Variants in C16orf96 observed in about 807,000 individuals in gnomAD.
C16orf96 encodes the protein chromosome 16 open reading frame 96.
A neutral mutation model predicts 103.6 loss-of-function variants in C16orf96; 108 were observed. That is an observed-to-expected ratio of 1.04 (90% confidence interval 0.89 to 1.22). The LOEUF is 1.22. Ranked by LOEUF, C16orf96 falls within the 50% of genes most tolerant of loss-of-function variation. The pLI is 0.00. For missense variants in C16orf96, 1,586 were observed against 1,464.2 expected, an observed-to-expected ratio of 1.08 and a Z score of -1.36; for synonymous variants, 566 against 593.5, an observed-to-expected ratio of 0.95 and a Z score of 0.67.
intron 7 of C16orf96, among the ~76,000 whole-genome samples, chr16:4,585,578 AG>A (rs1896906438): frequency 6.6e-6 from 1 of 152,226 alleles, no homozygotes. Context: ...TTCAGAGCCC[AG>A]GCTTTGGAAC....
chr16:4,593,420 C>T lies in C16orf96; in HGVS notation c.2867+104C>T. On this transcript the variant is annotated intron_variant, in intron 12 of 15. Transcript: ENST00000444310. This position sits in a 1 kb window ranked among gnomAD's most constrained non-coding sequence, Gnocchi z 4.2. ...AGACACATCCTCCAGGCCCAGGGAC[C>T]TAAGATTGTCCTGGACATGGCCAGC... The T allele has an allele frequency of 1.1e-5, 13 of 1,146,940 alleles. No individual in the cohort carries two copies. The South Asian group carries it at 1.5e-4, about 13-fold the overall frequency. The allele number at this position is 1,146,940 out of a possible 1,614,324, so 71.0% of individuals were successfully genotyped here.
chr16:4,600,249 C>A lies in C16orf96; in HGVS notation c.3358C>A (p.Leu1120Ile). Residue 1120 changes from leucine (L) to isoleucine (I), a missense_variant, in exon 16 of 16, where the codon CTC (leucine) becomes ATC (isoleucine). Physicochemically the swap from Leu to Ile is conservative, Grantham distance 5. Transcript: ENST00000444310. The part of the protein sequence containing the change: ...DPQQAPGSTR[L>I]SRAPHIESRV... ...CCAGCAGGCCCCAGGGTCCACCAGG[C>A]TCTCAAGAGCTCCACACATTGAGTC... The A allele has an allele frequency of 6.4e-7, 1 of 1,551,506 alleles. No individual in the cohort carries two copies. Among genetic ancestry groups the A allele is most frequent in the South Asian group, 1.2e-5 (1 of 84,062 alleles).
intron 8 of C16orf96, among the ~76,000 whole-genome samples, chr16:4,587,539 AAAAAAAAAAGAAAGAAAG>A (rs1444398132): frequency 2.8e-4 from 43 of 151,120 alleles, no homozygotes; most frequent in Admixed American, 6.6e-4. Context: ...CAAAAAAAAA[AAAAAAAAAAGAAAGAAAG>A]AAAAAGAAAG....
At chr16:4,546,457 CTTTT>C in the C16orf96 span, among the ~76,000 whole-genome samples, 2 of 104,552 alleles carry the variant, frequency 1.9e-5, no homozygotes, top group Non-Finnish European at 3.7e-5. Flanking sequence ...CGCGCCCGGA[CTTTT>C]TTTTTTTTTT....
intron 1 of C16orf96, among the ~76,000 whole-genome samples, chr16:4,559,365 A>C (rs898638169): frequency 4.0e-5 from 6 of 151,846 alleles, no homozygotes; most frequent in African/African-American, 1.5e-4. Flanking sequence ...CAACATCATG[A>C]AAACCCGTCT....
upstream of C16orf96, among the ~76,000 whole-genome samples, chr16:4,553,661 GA>G (rs2059240678): frequency 6.6e-6 from 1 of 152,030 alleles, no homozygotes; most frequent in African/African-American, 2.4e-5. Context: ...ATTTTGTAGA[GA>G]TGGTGTCTTG....
At chr16:4,599,669 C>T (rs1005099652) in intron 15 of C16orf96, among the ~76,000 whole-genome samples, 1 of 152,234 alleles carries the variant, frequency 6.6e-6, no homozygotes, top group South Asian at 2.1e-4. Context: ...CCTGAGGGTA[C>T]TTTACAGTTT....
At chr16:4,589,418 CAAA>C (rs34683174) in intron 9 of C16orf96, among the ~76,000 whole-genome samples, 19 of 146,600 alleles carry the variant, frequency 1.3e-4, no homozygotes, top group Non-Finnish European at 1.3e-4. Flanking sequence ...GTCCCCCTAC[CAAA>C]AAAAAAAAAA....
At chr16:4,547,180 G>A in the C16orf96 span, among the ~76,000 whole-genome samples, 1 of 152,206 alleles carries the variant, frequency 6.6e-6, no homozygotes, top group African/African-American at 2.4e-5. Context: ...TGTCGCCCAG[G>A]CTGGAGTGCA....
rs759900684 is a variant in C16orf96, at chr16:4,594,794, G to A, written c.3118G>A (p.Glu1040Lys). 39 of 1,550,276 alleles carry A rather than the reference G, an allele frequency of 2.5e-5. No homozygotes were observed. In the South Asian group the frequency reaches 4.2e-4, roughly 17 times the overall value. The change falls in exon 14 of 16, where the codon GAG (glutamate) becomes AAG (lysine). Residue 1040 changes from glutamate to lysine, a missense_variant. Physicochemically the swap from Glu to Lys is moderately conservative, Grantham distance 56. Transcript: ENST00000444310. Reference sequence around the variant, plus strand: ...GGCTCAGCCCTTGGCCGTCGCAAAGGAGCTGGCAGGTGAGGGGCGTAGGGC... The same window carrying A: ...GGCTCAGCCCTTGGCCGTCGCAAAGAAGCTGGCAGGTGAGGGGCGTAGGGC... The part of the protein sequence containing the change: ...RGAQPLAVAK[E>K]LAAVKAPSPP...
chr16:4,583,739 A>G (rs1379195740), intron 7 of C16orf96, among the ~76,000 whole-genome samples: 1 of 151,904 alleles, frequency 6.6e-6, no homozygotes, highest in Non-Finnish European at 1.5e-5. Flanking sequence ...TCTGGCCAAC[A>G]TGGTGAAACC....
In C16orf96 at chr16:4,575,377, A is replaced by G; in HGVS notation, c.897A>G (p.Ser299=). Residue 299 remains serine, a synonymous_variant, in exon 5 of 16, where the codon TCA becomes TCG. Coordinates refer to ENST00000444310, the MANE Select transcript of C16orf96 (RefSeq NM_001145011.2). ...AGGGCTCATCTGCCCAAGCAGTTTC[A>G]CTCAGCAGAGCCCAGGAGCCAGCGC... ...LPEGSSAQAV[S]LSRAQEPAQP... 6.4e-7 allele frequency: 1 copy of G among 1,550,966 alleles called. No individual in the cohort carries two copies. The highest frequency in any genetic ancestry group is 1.2e-5 in the South Asian group (1 of 84,062).
At chr16:4,567,700 T>C (rs1250407378) in intron 1 of C16orf96, among the ~76,000 whole-genome samples, 1 of 129,132 alleles carries the variant, frequency 7.7e-6, no homozygotes, top group Non-Finnish European at 1.6e-5. Flanking sequence ...GCCTTTTTTT[T>C]TTTTTTTTTT....
chr16:4,559,880 G>A (rs1281925338), intron 1 of C16orf96: 1 of 152,198 alleles, frequency 6.6e-6, no homozygotes, highest in Non-Finnish European at 1.5e-5. Context: ...GTAGATTAGT[G>A]GTTTCCAGAG....
intron 7 of C16orf96, among the ~76,000 whole-genome samples, chr16:4,583,130 C>T (rs999357709): frequency 6.6e-5 from 10 of 151,916 alleles, no homozygotes; most frequent in Admixed American, 1.3e-4. Flanking sequence ...CCCAGCTACT[C>T]GGGAGGCTGA....
chr16:4,581,141 C>CACAT (rs71402548), intron 7 of C16orf96, among the ~76,000 whole-genome samples: 3 of 46,754 alleles, frequency 6.4e-5, no homozygotes, highest in Non-Finnish European at 1.4e-4. Context: ...TATATGTATA[C>CACAT]ATATATATAT....
intron 7 of C16orf96, among the ~76,000 whole-genome samples, chr16:4,580,513 A>G (rs1170241659): frequency 2.6e-5 from 4 of 152,036 alleles, no homozygotes; most frequent in South Asian, 4.1e-4. Context: ...ATTTACTGAC[A>G]TTTTGGGCTG....
chr16:4,583,692 A>G (rs1389765706), intron 7 of C16orf96, among the ~76,000 whole-genome samples: 2 of 152,096 alleles, frequency 1.3e-5, no homozygotes, highest in African/African-American at 4.8e-5. Flanking sequence ...GGAGGCCGAC[A>G]TGGGCGGATC....
At chr16:4,580,310 A>ACCCCCCCCCCCCCCCCCCCC (rs150403662) in intron 7 of C16orf96, among the ~76,000 whole-genome samples, 185 bp downstream of exon 7, 1 of 104,506 alleles carries the variant, frequency 9.6e-6, no homozygotes, top group Non-Finnish European at 2.0e-5. Context: ...GAATCCCACC[A>ACCCCCCCCCCCCCCCCCCCC]CCCCCCCCCA....
Sources: allele counts gnomAD v4.1 joint callset (sites outside exome capture counted in the v4.1 genomes callset), GRCh38; gene constraint gnomAD v4.1.1; non-coding constraint Gnocchi (gnomAD v3.1); transcripts MANE v1.5; gene names NCBI Gene and HGNC (gene_info 2026-07-23, HGNC 2026-07-21).